CASK: variants seen among roughly 807,000 people sequenced by gnomAD.
CASK encodes calcium/calmodulin dependent serine protein kinase, also known as peripheral plasma membrane protein CASK.
In CASK, 4 loss-of-function variants were observed where a neutral mutation model predicts 82.9. The ratio of observed to expected loss-of-function variants is 0.05; its 90% CI spans 0.02 to 0.11. The LOEUF (loss-of-function observed/expected upper bound fraction) is 0.11, where lower values mean the gene tolerates loss of function less well. Among genes scored for constraint, CASK ranks in the 10% least tolerant of loss-of-function variants. The pLI is 1.00. For synonymous variants in CASK, 259 were observed against 253.5 expected (o/e 1.02, Z -0.20); for missense variants, 358 against 720.9 (o/e 0.50, Z 5.76).
intron 5 of CASK, chrX:41,683,526 T>C (rs2067396366): frequency 8.9e-6 from 1 of 112,284 alleles, no homozygotes; most frequent in Non-Finnish European, 1.9e-5. Flanking sequence ...CTGGGAGTGG[T>C]GGCTCATGCC....
chrX:41,861,943 ATATG>A (rs1224388956), intron 1 of CASK, among the ~76,000 whole-genome samples: 2 of 103,786 alleles, frequency 1.9e-5, no homozygotes, highest in Non-Finnish European at 3.9e-5. Flanking sequence ...TATATACTAT[ATATG>A]TATGTATACA....
chrX:41,666,586 G>A (rs2067121497), intron 6 of CASK, among the ~76,000 whole-genome samples: 1 of 112,125 alleles, frequency 8.9e-6, no homozygotes, highest in South Asian at 3.7e-4. Context: ...TTCTGTTCAT[G>A]ATTATGAAAC....
intron 1 of CASK, 112 bp downstream of exon 1, chrX:41,922,818 G>A (rs1288471233): frequency 4.8e-6 from 3 of 628,285 alleles, no homozygotes; most frequent in South Asian, 4.7e-5. Flanking sequence ...GGACGAGAGG[G>A]GAAGAGGGGA....
intron 9 of CASK, among the ~76,000 whole-genome samples, chrX:41,627,591 T>C (rs1339531291): frequency 4.5e-5 from 5 of 111,836 alleles, no homozygotes; most frequent in Non-Finnish European, 7.5e-5. Flanking sequence ...TAGTGTCCAT[T>C]ATACTACTCT....
chrX:41,656,299 A>G (rs1193972708), intron 8 of CASK, among the ~76,000 whole-genome samples: 1 of 112,121 alleles, frequency 8.9e-6, no homozygotes, highest in African/African-American at 3.2e-5. Flanking sequence ...AAAGCCCTGA[A>G]CAAGCTGGCA....
intron 5 of CASK, chrX:41,676,011 G>T: frequency 8.3e-7 from 1 of 1,207,339 alleles, no homozygotes; most frequent in Admixed American, 2.2e-5. Flanking sequence ...GGATGTGTTG[G>T]TTGCATTTCC....
intron 11 of CASK, among the ~76,000 whole-genome samples, chrX:41,613,004 A>G: frequency 1.2e-5 from 1 of 85,120 alleles, no homozygotes; most frequent in African/African-American, 4.7e-5. Flanking sequence ...TCCGGGAGGG[A>G]GGTGGGGGGG....
intron 21 of CASK, among the ~76,000 whole-genome samples, chrX:41,543,448 CA>C (rs1336194607): frequency 9.0e-6 from 1 of 111,697 alleles, no homozygotes. Flanking sequence ...GTACCAGGCA[CA>C]CAGTATATGC....
At chrX:41,741,018 G>A (rs1406991955) in intron 4 of CASK, among the ~76,000 whole-genome samples, 1 of 111,494 alleles carries the variant, frequency 9.0e-6, no homozygotes, top group African/African-American at 3.3e-5. Context: ...AAGTAGCTGG[G>A]ATTACAGATA....
intron 12 of CASK, among the ~76,000 whole-genome samples, chrX:41,607,039 G>A (rs1404854041): frequency 8.9e-6 from 1 of 112,410 alleles, no homozygotes; most frequent in Admixed American, 9.4e-5. Context: ...CAGTCCAACA[G>A]CTCCTCTTTC....
At chrX:41,793,145 C>T (rs913162679) in intron 2 of CASK, among the ~76,000 whole-genome samples, 1 of 112,066 alleles carries the variant, frequency 8.9e-6, no homozygotes, top group Non-Finnish European at 1.9e-5. Flanking sequence ...TAATCTAATG[C>T]AAACTCTGAG....
intron 1 of CASK, among the ~76,000 whole-genome samples, chrX:41,857,379 T>C (rs1031336337): frequency 4.5e-5 from 5 of 111,073 alleles, no homozygotes; most frequent in African/African-American, 1.3e-4. Context: ...TTGAGAATCA[T>C]TGCTCTATTT....
intron 1 of CASK, among the ~76,000 whole-genome samples, chrX:41,914,898 TA>T (rs897886997): frequency 3.6e-5 from 4 of 112,021 alleles, no homozygotes; most frequent in African/African-American, 1.3e-4. Context: ...AGTATAAAAT[TA>T]CTAGTATCCA....
At chrX:41,715,532 G>T (rs2068045614) in intron 5 of CASK, among the ~76,000 whole-genome samples, 2 of 109,095 alleles carry the variant, frequency 1.8e-5, no homozygotes, top group African/African-American at 6.7e-5. Flanking sequence ...TGAGGCAAGA[G>T]AATCACTTGA....
intron 3 of CASK, among the ~76,000 whole-genome samples, chrX:41,770,305 TACCTACCTATCCATCCATCC>T (rs1469910478): frequency 1.3e-4 from 13 of 103,571 alleles, no homozygotes; most frequent in African/African-American, 3.9e-4. Context: ...TCTACCTACC[TACCTACCTATCCATCCATCC>T]ATCCATCCAT....
Position 41,581,001 on chromosome X carries a change from T to C in CASK, c.1315-2473A>G, listed in dbSNP as rs773706579. On this transcript the variant is annotated intron_variant, in intron 14 of 26. Transcript: ENST00000378163. ...ACAGCTGCAATAAGCAAAGGAAATA[T>C]TCTTTTTAAAAAGTCAGCCTTTCAA... Among the ~76,000 whole-genome samples the C allele has an allele frequency of 3.6e-5, 4 of 112,629 alleles. No homozygotes were observed. In the South Asian group the frequency reaches 1.5e-3, roughly 41 times the overall value.
chrX:41,537,599 CAAAT>C (rs1300279710), intron 22 of CASK, among the ~76,000 whole-genome samples: 1 of 110,221 alleles, frequency 9.1e-6, no homozygotes, highest in African/African-American at 3.3e-5. Context: ...AAACACAAGG[CAAAT>C]AAATCACATT....
intron 5 of CASK, among the ~76,000 whole-genome samples, chrX:41,705,614 G>C (rs2067872885): frequency 9.0e-6 from 1 of 111,198 alleles, no homozygotes; most frequent in African/African-American, 3.3e-5. Flanking sequence ...TCTAATCAGA[G>C]ACACCAAACA....
chrX:41,752,513 T>A (rs2068815514), intron 3 of CASK, among the ~76,000 whole-genome samples: 2 of 110,858 alleles, frequency 1.8e-5, no homozygotes. Context: ...TGGTCTTGAG[T>A]TCCTGGCCTC....
Sources: gnomAD v4.1 joint callset for allele counts (sites outside exome capture counted in the v4.1 genomes callset) on GRCh38, gnomAD v4.1.1 for gene constraint, MANE v1.5 for transcripts, NCBI Gene and HGNC (gene_info 2026-07-23, HGNC 2026-07-21) for gene names.